The following SGCD variants were observed in gnomAD, a reference collection of about 807,000 sequenced individuals.
The protein encoded by SGCD is delta-sarcoglycan.
SGCD carries 18 observed loss-of-function variants against 36.6 expected under a neutral mutation model. That is an observed-to-expected ratio of 0.49 (90% confidence interval 0.34 to 0.73). SGCD has a LOEUF of 0.73. SGCD is among the 30% of genes least tolerant of loss of function. SGCD has a pLI of 0.01. For missense variants in SGCD, 387 were observed against 346.7 expected (o/e 1.12, Z -0.92); for synonymous variants, 133 against 130.6 (o/e 1.02, Z -0.12).
the SGCD span, among the ~76,000 whole-genome samples, chr5:155,773,995 GAGT>G: frequency 6.6e-6 from 1 of 152,210 alleles, no homozygotes; most frequent in East Asian, 1.9e-4. Context: ...GTTGATAGTT[GAGT>G]TCTAGAATGC....
At chr5:156,727,309 A>G (rs551594501) in intron 7 of SGCD, among the ~76,000 whole-genome samples, 37 of 152,344 alleles carry the variant, frequency 2.4e-4, no homozygotes, top group African/African-American at 8.7e-4. Context: ...ACTCAAACTG[A>G]TAACAAGGGT....
the SGCD span, among the ~76,000 whole-genome samples, chr5:155,840,619 A>G: frequency 6.8e-6 from 1 of 148,090 alleles, no homozygotes; most frequent in Non-Finnish European, 1.5e-5. Flanking sequence ...TGCACTTCTT[A>G]CTACAGGATT....
At chr5:155,788,092 A>G in the SGCD span, among the ~76,000 whole-genome samples, 4 of 152,178 alleles carry the variant, frequency 2.6e-5, no homozygotes, top group African/African-American at 7.2e-5. Context: ...CTAGACACAT[A>G]AAAAATATAT....
intron 7 of SGCD, among the ~76,000 whole-genome samples, chr5:156,695,540 GATA>G (rs1347926134): frequency 7.0e-6 from 1 of 143,716 alleles, no homozygotes; most frequent in Non-Finnish European, 1.5e-5. Flanking sequence ...TAGATAGATA[GATA>G]GATAGATAGA....
At position 156,698,840 on chromosome 5, in the gene SGCD, TACACACACACACAC is replaced by T. The variant is rs150929203; in HGVS notation, c.575+51332_575+51345del. 2.4e-3 allele frequency among the ~76,000 whole-genome samples: 342 copies of T among 140,088 alleles called. 2 individuals carry two copies. The highest frequency in any genetic ancestry group is 0.013 in the East Asian group (65 of 4,858). 91.9% of individuals were successfully genotyped at this position (140,088 alleles called of 152,430 possible). A position where few individuals can be genotyped will look rare whatever the true frequency, so the allele number is the denominator to read the frequency against. On this transcript the variant is annotated intron_variant, in intron 7 of 8. Coordinates refer to ENST00000337851, the MANE Select transcript of SGCD (RefSeq NM_000337.6). ...TTATATTTTGAAAACTAAATTAAAATACACACACACACACACACACACACACACACACACACACA... is the reference window on the plus strand; with the variant it reads ...TTATATTTTGAAAACTAAATTAAAATACACACACACACACACACACACACA...
chr5:156,413,992 T>C (rs1292171101), intron 3 of SGCD, among the ~76,000 whole-genome samples: 1 of 152,160 alleles, frequency 6.6e-6, no homozygotes, highest in Non-Finnish European at 1.5e-5. Flanking sequence ...ACTAACTCAT[T>C]TGAATTCAGG....
At chr5:156,144,072 A>AT (rs1762647193) in intron 3 of SGCD, among the ~76,000 whole-genome samples, 1 of 151,372 alleles carries the variant, frequency 6.6e-6, no homozygotes, top group African/African-American at 2.4e-5. Flanking sequence ...TGAACTCTTC[A>AT]TTTTTTATGG....
chr5:155,901,087 G>T (rs1756378706), intron 1 of SGCD, among the ~76,000 whole-genome samples: 1 of 152,062 alleles, frequency 6.6e-6, no homozygotes, highest in African/African-American at 2.4e-5. Context: ...CAGACAGCAG[G>T]ATTGCTTGAG....
At chr5:156,695,491 AGATAGATAGATAGATAGATG>A (rs1306431010) in intron 7 of SGCD, among the ~76,000 whole-genome samples, 24 of 121,140 alleles carry the variant, frequency 2.0e-4, no homozygotes, top group African/African-American at 6.2e-4. Context: ...CTCGATAGAT[AGATAGATAGATAGATAGATG>A]GATAGATAGA....
chr5:155,741,992 G>A, the SGCD span, among the ~76,000 whole-genome samples: 1 of 152,138 alleles, frequency 6.6e-6, no homozygotes, highest in Non-Finnish European at 1.5e-5. Context: ...GCCACCAGAA[G>A]TAGTTTTTCG....
At chr5:155,935,456 A>G (rs1192451989) in intron 1 of SGCD, among the ~76,000 whole-genome samples, 13 of 152,172 alleles carry the variant, frequency 8.5e-5, no homozygotes, top group Non-Finnish European at 1.8e-4. Context: ...AATTATATAA[A>G]TGAGATAATA....
At chr5:155,900,534 A>G (rs1460676235) in intron 1 of SGCD, among the ~76,000 whole-genome samples, 1 of 150,972 alleles carries the variant, frequency 6.6e-6, no homozygotes, top group Non-Finnish European at 1.5e-5. Flanking sequence ...CTAACTCGTC[A>G]TCTAGCATTA....
At chr5:155,779,415 G>A in the SGCD span, among the ~76,000 whole-genome samples, 1 of 152,006 alleles carries the variant, frequency 6.6e-6, no homozygotes, top group African/African-American at 2.4e-5. Context: ...TCTAGTCTGG[G>A]TGATGGAGCG....
the SGCD span, among the ~76,000 whole-genome samples, chr5:155,744,624 C>A: frequency 6.6e-6 from 1 of 152,128 alleles, no homozygotes; most frequent in African/African-American, 2.4e-5. Context: ...AAACCCTGAA[C>A]TGGTTAGGAA....
chr5:155,799,198 G>T, the SGCD span, among the ~76,000 whole-genome samples: 1 of 152,094 alleles, frequency 6.6e-6, no homozygotes, highest in African/African-American at 2.4e-5. Flanking sequence ...ATACAAAGAG[G>T]ATTAAAATTG....
intron 3 of SGCD, among the ~76,000 whole-genome samples, chr5:156,444,098 CT>C (rs1753636333): frequency 8.4e-6 from 1 of 119,550 alleles, no homozygotes; most frequent in African/African-American, 3.7e-5. Flanking sequence ...CTCTCTCTCT[CT>C]CTCTCTCTCT....
At chr5:156,030,117 T>C (rs1030319448) in intron 1 of SGCD, among the ~76,000 whole-genome samples, 3 of 152,136 alleles carry the variant, frequency 2.0e-5, no homozygotes, top group African/African-American at 4.8e-5. Context: ...TACAGGGAAA[T>C]GAAAATAGGA....
intron 1 of SGCD, among the ~76,000 whole-genome samples, chr5:155,947,515 C>G (rs1757464117): frequency 6.6e-6 from 1 of 151,940 alleles, no homozygotes; most frequent in Non-Finnish European, 1.5e-5. Context: ...TGGACCCAGA[C>G]CTGGATAAGA....
At chr5:156,563,234 G>A (rs887219131) in intron 4 of SGCD, among the ~76,000 whole-genome samples, 1 of 151,966 alleles carries the variant, frequency 6.6e-6, no homozygotes, top group Admixed American at 6.6e-5. Context: ...CACCCACCTC[G>A]GCCTCCCAAA....
Sources: gnomAD v4.1 joint callset for allele counts (sites outside exome capture counted in the v4.1 genomes callset) on GRCh38, gnomAD v4.1.1 for gene constraint, MANE v1.5 for transcripts, NCBI Gene and HGNC (gene_info 2026-07-23, HGNC 2026-07-21) for gene names.